The following PRDM16 variants were observed in gnomAD, a reference collection of about 807,000 sequenced individuals.
PRDM16 encodes the protein PR/SET domain 16, also known as histone-lysine N-methyltransferase PRDM16.
A neutral mutation model predicts 110.6 loss-of-function variants in PRDM16; 23 were observed. The observed-to-expected ratio is 0.21, with a 90% CI of 0.15 to 0.29. The LOEUF (loss-of-function observed/expected upper bound fraction) is 0.29. PRDM16 is among the 10% of genes least tolerant of loss of function. PRDM16 has a pLI of 1.00. For synonymous variants in PRDM16, 799 were observed against 781.8 expected (o/e 1.02, Z -0.37); for missense variants, 1,615 against 1,794.3 (o/e 0.90, Z 1.81).
chr1:3,412,426 A>C lies in PRDM16; in HGVS notation c.2229A>C (p.Arg743=), dbSNP rs552462573. ...FPHSLYPFTD[R]ALAHNLLVKA... ...ACTCCCTTTACCCCTTCACGGACCG[A>C]GCCCTCGCCCACAACTTGCTGGTCA... Residue 743 remains arginine, a synonymous_variant, in exon 9 of 17, where the codon CGA becomes CGC. Coordinates refer to ENST00000270722, the MANE Select transcript of PRDM16 (RefSeq NM_022114.4). The C allele has an allele frequency of 1.7e-5, 28 of 1,612,284 alleles. No individual in the cohort carries two copies. The African/African-American group carries it at 2.5e-4, about 15-fold the overall frequency.
chr1:3,414,750 T>C lies in PRDM16; in HGVS notation c.2691+103T>C, dbSNP rs1643752312. On this transcript the variant is annotated intron_variant, in intron 10 of 16. Coordinates refer to ENST00000270722, the MANE Select transcript of PRDM16 (RefSeq NM_022114.4). The stretch of plus-strand genomic sequence containing the variant: ...GGCCAGGCTGGAGCCTAAGTCCCCG[T>C]CCAGGCCATACCACGCACAGACGCC... 13 of 859,920 alleles carry C rather than the reference T, an allele frequency of 1.5e-5. No homozygotes were observed. In the South Asian group the frequency reaches 2.0e-4, roughly 13 times the overall value. 53.3% of individuals were successfully genotyped at this position (859,920 alleles called of 1,614,324 possible).
chr1:3,416,141 C>T (rs1033933167), intron 10 of PRDM16, among the ~76,000 whole-genome samples: 3 of 152,204 alleles, frequency 2.0e-5, no homozygotes, highest in African/African-American at 2.4e-5. Context: ...AGTTTCTACT[C>T]GTTCGTTTCT....
intron 2 of PRDM16, among the ~76,000 whole-genome samples, chr1:3,241,089 G>A (rs1041673793): frequency 2.0e-5 from 3 of 152,224 alleles, no homozygotes; most frequent in Non-Finnish European, 4.4e-5. Flanking sequence ...GCCGGGGAGC[G>A]CGTCCCGCCA....
chr1:3,268,148 C>T (rs1640340170), intron 3 of PRDM16, among the ~76,000 whole-genome samples: 1 of 152,310 alleles, frequency 6.6e-6, no homozygotes, highest in East Asian at 1.9e-4. Context: ...TTCGGCTGGC[C>T]CACTGGTCTC....
In PRDM16 at chr1:3,080,326, C is replaced by T. The variant is rs781036774; in HGVS notation, c.37+11030C>T. Among the ~76,000 whole-genome samples, 1 of 152,202 alleles carries T rather than the reference C, an allele frequency of 6.6e-6. No homozygotes were observed. Among genetic ancestry groups the T allele is most frequent in the Admixed American group, 6.5e-5 (1 of 15,282 alleles). ...TTCCCAGCCCAGGCTGAGCGTACAG[C>T]GAGTGACTGACAGAATACAAATGGT... is the stretch of plus-strand genomic sequence containing the variant. On this transcript the variant is annotated intron_variant, in intron 1 of 16. Transcript: ENST00000270722. This position sits in a 1 kb window ranked among gnomAD's most constrained non-coding sequence, Gnocchi z 5.2.
Position 3,411,815 on chromosome 1 carries a change from A to G in PRDM16, c.1618A>G (p.Asn540Asp). The G allele has an allele frequency of 6.2e-7, 1 of 1,611,502 alleles. No individual in the cohort carries two copies. Among genetic ancestry groups the G allele is most frequent in the Non-Finnish European group, 8.5e-7 (1 of 1,179,104 alleles). ...PPTSLLKSPLNHTQDAKLPSP... is the reference protein window; with the variant it reads ...PPTSLLKSPLDHTQDAKLPSP... ...CACATCGCTGCTCAAGAGCCCCCTG[A>G]ACCACACCCAGGACGCCAAGCTCCC... The change falls in exon 9 of 17, where the codon AAC becomes GAC. Residue 540 changes from asparagine (N) to aspartate (D), a missense_variant. Coordinates refer to ENST00000270722, the MANE Select transcript of PRDM16 (RefSeq NM_022114.4).
chr1:3,232,761 C>T (rs990309828), intron 2 of PRDM16, among the ~76,000 whole-genome samples: 13 of 152,136 alleles, frequency 8.5e-5, no homozygotes, highest in African/African-American at 2.9e-4. Flanking sequence ...GATCCACTTT[C>T]GGATCTTGAA....
chr1:3,424,906 C>G (rs1313786394), intron 12 of PRDM16: 1 of 152,330 alleles, frequency 6.6e-6, no homozygotes, highest in African/African-American at 2.4e-5. Context: ...ATGTCGCCCT[C>G]CGGCTGCAGA....
intron 1 of PRDM16, among the ~76,000 whole-genome samples, chr1:3,129,359 A>G (rs577144948): frequency 1.6e-3 from 164 of 101,898 alleles, no homozygotes; most frequent in Non-Finnish European, 2.4e-3. Flanking sequence ...GTGTGTGCGC[A>G]CGTGGGTGAG....
chr1:3,313,298 G>T (rs918709052), intron 3 of PRDM16, among the ~76,000 whole-genome samples: 1 of 152,220 alleles, frequency 6.6e-6, no homozygotes, highest in Non-Finnish European at 1.5e-5. Flanking sequence ...TCGCCGTCAC[G>T]ATGAGTCAGC....
intron 1 of PRDM16, among the ~76,000 whole-genome samples, chr1:3,177,740 A>G (rs1384274489): frequency 1.3e-5 from 2 of 152,220 alleles, no homozygotes; most frequent in African/African-American, 2.4e-5. Flanking sequence ...ATGTTTCCTC[A>G]CAGTCTTGGA....
chr1:3,193,299 C>A lies in PRDM16; in HGVS notation c.387+6825C>A, dbSNP rs75445914. 4.4e-3 allele frequency among the ~76,000 whole-genome samples: 670 copies of A among 152,354 alleles called. 22 individuals carry two copies. In the East Asian group the frequency reaches 0.077, roughly 17 times the overall value. ...AGGCTTCGGGCTCCTGCCCGGCCCCCCAAGGGGATGGAGCGGCAGCTCCCA... is the reference window on the plus strand; with the variant it reads ...AGGCTTCGGGCTCCTGCCCGGCCCCACAAGGGGATGGAGCGGCAGCTCCCA... On this transcript the variant is annotated intron_variant, in intron 2 of 16. Coordinates refer to ENST00000270722, the MANE Select transcript of PRDM16 (RefSeq NM_022114.4).
chr1:3,393,265 G>A (rs1643326251), intron 4 of PRDM16, among the ~76,000 whole-genome samples: 2 of 152,264 alleles, frequency 1.3e-5, no homozygotes, highest in Non-Finnish European at 2.9e-5. Flanking sequence ...CCTAGATGCT[G>A]TCGCTTAAGC....
intron 3 of PRDM16, among the ~76,000 whole-genome samples, chr1:3,383,643 T>A (rs143244801): frequency 0.013 from 2,031 of 152,206 alleles, 27 homozygotes; most frequent in South Asian, 0.033. Flanking sequence ...ATGCCCAGCA[T>A]CTGAGGGTCA....
At chr1:3,125,610 C>T (rs918805519) in intron 1 of PRDM16, among the ~76,000 whole-genome samples, 1 of 152,278 alleles carries the variant, frequency 6.6e-6, no homozygotes, top group Non-Finnish European at 1.5e-5. Flanking sequence ...AGCGGCTGTG[C>T]AGGTCCCTGG....
chr1:3,247,147 G>C (rs1337063308), intron 3 of PRDM16, among the ~76,000 whole-genome samples: 2 of 152,186 alleles, frequency 1.3e-5, no homozygotes, highest in African/African-American at 4.8e-5. Flanking sequence ...GGAACATGAC[G>C]GGGGTGGCTG....
At chr1:3,172,365 C>A (rs149729122) in intron 1 of PRDM16, among the ~76,000 whole-genome samples, 2 of 152,282 alleles carry the variant, frequency 1.3e-5, no homozygotes, top group African/African-American at 4.8e-5. Context: ...ACCTTACCTG[C>A]TTTCCAGAGA....
chr1:3,348,020 G>A (rs1034195810), intron 3 of PRDM16, among the ~76,000 whole-genome samples: 3 of 152,250 alleles, frequency 2.0e-5, no homozygotes, highest in Non-Finnish European at 4.4e-5. Context: ...CTTTGGCCGA[G>A]GCTAGAACCG....
At chr1:3,419,294 C>T (rs573451567) in intron 12 of PRDM16, among the ~76,000 whole-genome samples, 21 of 152,314 alleles carry the variant, frequency 1.4e-4, no homozygotes, top group Admixed American at 7.2e-4. Flanking sequence ...GGAAGCGGTG[C>T]GTCTGCTTCC....
Sources: allele counts gnomAD v4.1 joint callset (sites outside exome capture counted in the v4.1 genomes callset), GRCh38; gene constraint gnomAD v4.1.1; non-coding constraint Gnocchi (gnomAD v3.1); transcripts MANE v1.5; gene names NCBI Gene and HGNC (gene_info 2026-07-23, HGNC 2026-07-21).